ITPR2: variants seen among roughly 807,000 people sequenced by gnomAD.
ITPR2 encodes the protein inositol 1,4,5-trisphosphate-gated calcium channel ITPR2.
Under a neutral mutation model 317.1 loss-of-function variants are expected in ITPR2, and 207 were observed. The ratio of observed to expected loss-of-function variants is 0.65; its 90% CI spans 0.58 to 0.73. The LOEUF is 0.73. ITPR2 is among the 30% of genes least tolerant of loss of function. The probability of loss-of-function intolerance (pLI) is 0.00; values close to 1 mark genes in which losing one functional copy is unlikely to be tolerated. For synonymous variants in ITPR2, 1,156 were observed against 1,149.1 expected, an observed-to-expected ratio of 1.01 and a Z score of -0.12; for missense variants, 2,613 against 3,284.0, an observed-to-expected ratio of 0.80 and a Z score of 4.99.
chr12:26,461,717 C>T (rs1591804749), intron 45 of ITPR2, among the ~76,000 whole-genome samples: 4 of 126,788 alleles, frequency 3.2e-5, no homozygotes, highest in South Asian at 5.1e-4. Context: ...CACACACACA[C>T]ATACATATAA....
intron 2 of ITPR2, among the ~76,000 whole-genome samples, chr12:26,740,918 TTC>T (rs1949218788): frequency 6.6e-6 from 1 of 152,244 alleles, no homozygotes; most frequent in East Asian, 1.9e-4. Flanking sequence ...ATGTTGCTGT[TTC>T]TCTTTCTGTC....
chr12:26,516,533 G>A (rs1311137116), intron 37 of ITPR2, among the ~76,000 whole-genome samples: 1 of 151,410 alleles, frequency 6.6e-6, no homozygotes, highest in South Asian at 2.1e-4. Flanking sequence ...GGAATATAAA[G>A]GGGAAAGGAA....
At chr12:26,723,540 A>T (rs1948870707) in intron 4 of ITPR2, among the ~76,000 whole-genome samples, 1 of 152,172 alleles carries the variant, frequency 6.6e-6, no homozygotes, top group Non-Finnish European at 1.5e-5. Flanking sequence ...CCCCAGGGAC[A>T]TCCAGCCCAC....
chr12:26,715,551 G>A, intron 7 of ITPR2, 106 bp from the exon 8 acceptor site: 1 of 1,049,450 alleles, frequency 9.5e-7, no homozygotes, highest in Admixed American at 2.7e-5. Flanking sequence ...GACTTTTAAA[G>A]CTTATTTAAA....
intron 34 of ITPR2, among the ~76,000 whole-genome samples, chr12:26,563,509 G>A (rs1038983393): frequency 1.3e-5 from 2 of 151,866 alleles, no homozygotes; most frequent in African/African-American, 2.4e-5. Flanking sequence ...GGCAGAGGTT[G>A]CACACCACTG....
chr12:26,599,870 T>G lies in ITPR2; in HGVS notation c.3801+117A>C, dbSNP rs945437596. ...GATATTCACTTCTGGAGAGAGAATT[T>G]CCACAAGGAAAAAAAAATGAAGCAA... On this transcript the variant is annotated intron_variant, in intron 29 of 56. Transcript: ENST00000381340. The G allele has an allele frequency of 1.8e-5, 14 of 757,524 alleles. No individual in the cohort carries two copies. The African/African-American group carries it at 2.3e-4, about 12-fold the overall frequency. 46.9% of individuals were successfully genotyped at this position (757,524 alleles called of 1,614,324 possible).
At chr12:26,637,887 G>A (rs1202527725) in intron 21 of ITPR2, among the ~76,000 whole-genome samples, 1 of 152,096 alleles carries the variant, frequency 6.6e-6, no homozygotes, top group African/African-American at 2.4e-5. Context: ...CAGATAATAT[G>A]ATACCTAATT....
intron 34 of ITPR2, among the ~76,000 whole-genome samples, chr12:26,568,091 T>C (rs992650594): frequency 6.8e-6 from 1 of 147,986 alleles, no homozygotes; most frequent in East Asian, 2.0e-4. Context: ...CTCTGCCCCA[T>C]CTGTCTCTCA....
Position 26,831,600 on chromosome 12 carries a change from C to A in ITPR2, c.92+1090G>T, listed in dbSNP as rs1951101357. 2.0e-5 allele frequency among the ~76,000 whole-genome samples: 3 copies of A among 151,932 alleles called. 1 individual carries two copies. In the South Asian group the frequency reaches 6.2e-4, roughly 31 times the overall value. ...AAATATACTGCAGCGTGCAATTAAA[C>A]TGCACACTGCTATTCCCAATCAGAA... On this transcript the variant is annotated intron_variant, in intron 1 of 56. Transcript: ENST00000381340. This position sits in a 1 kb window ranked among gnomAD's most constrained non-coding sequence, Gnocchi z 4.9.
intron 50 of ITPR2, among the ~76,000 whole-genome samples, chr12:26,418,738 T>C (rs1425503424): frequency 6.6e-6 from 1 of 152,090 alleles, no homozygotes; most frequent in Non-Finnish European, 1.5e-5. Context: ...AGAGAATCTT[T>C]AAATGTAAAG....
intron 26 of ITPR2, among the ~76,000 whole-genome samples, chr12:26,604,171 G>A (rs1310468230): frequency 6.6e-6 from 1 of 152,174 alleles, no homozygotes; most frequent in African/African-American, 2.4e-5. Context: ...ATCAAACAGT[G>A]CTGATGAAAG....
chr12:26,698,367 G>A (rs1948387925), intron 9 of ITPR2, among the ~76,000 whole-genome samples: 1 of 152,156 alleles, frequency 6.6e-6, no homozygotes, highest in Non-Finnish European at 1.5e-5. Context: ...AAACAATGGA[G>A]TACTACTCGG....
chr12:26,531,687 G>A (rs534265182), intron 37 of ITPR2, among the ~76,000 whole-genome samples: 13 of 151,232 alleles, frequency 8.6e-5, no homozygotes, highest in African/African-American at 3.2e-4. Flanking sequence ...ACACACAAGT[G>A]TGTATCTGAA....
intron 32 of ITPR2, among the ~76,000 whole-genome samples, chr12:26,589,144 T>C (rs538883335): frequency 2.7e-4 from 41 of 152,298 alleles, no homozygotes; most frequent in African/African-American, 9.9e-4. Flanking sequence ...CAACTTTCCA[T>C]GGGTCTAATA....
intron 37 of ITPR2, among the ~76,000 whole-genome samples, chr12:26,546,028 T>C (rs572466333): frequency 3.9e-5 from 6 of 152,368 alleles, no homozygotes; most frequent in African/African-American, 9.6e-5. Flanking sequence ...CTAGAATTGC[T>C]TTAGCTATAA....
intron 32 of ITPR2, among the ~76,000 whole-genome samples, chr12:26,595,024 G>C (rs1385519361): frequency 6.6e-6 from 1 of 152,178 alleles, no homozygotes; most frequent in Non-Finnish European, 1.5e-5. Context: ...AGGCAACAGC[G>C]AGCAAGGCCA....
At chr12:26,379,235 C>T (rs773202678) in intron 55 of ITPR2, among the ~76,000 whole-genome samples, 1 of 152,142 alleles carries the variant, frequency 6.6e-6, no homozygotes, top group Non-Finnish European at 1.5e-5. Flanking sequence ...GGATCTGCCT[C>T]CTAGAGTTGT....
intron 49 of ITPR2, among the ~76,000 whole-genome samples, chr12:26,427,059 T>G (rs985966472): frequency 6.6e-6 from 1 of 152,088 alleles, no homozygotes; most frequent in African/African-American, 2.4e-5. Context: ...TTCTTGATAC[T>G]GAATGATCAA....
rs969072593 is a variant in ITPR2 at position 26,831,952 on chromosome 12, G to A, written c.92+738C>T. On this transcript the variant is annotated intron_variant, in intron 1 of 56. Coordinates refer to ENST00000381340, the MANE Select transcript of ITPR2 (RefSeq NM_002223.4). This position sits in a 1 kb window ranked among gnomAD's most constrained non-coding sequence, Gnocchi z 4.9. Reference sequence around the variant, plus strand: ...ATATATTTTTCCCCCCATTCAACTCGAATCTCAAGAACTCTTCACTTGGCT... The same window carrying A: ...ATATATTTTTCCCCCCATTCAACTCAAATCTCAAGAACTCTTCACTTGGCT... Among the ~76,000 whole-genome samples the A allele has an allele frequency of 1.3e-5, 2 of 149,302 alleles. No homozygotes were observed. The highest frequency in any genetic ancestry group is 3.0e-5 in the Non-Finnish European group (2 of 67,690).
Sources: allele counts gnomAD v4.1 joint callset (sites outside exome capture counted in the v4.1 genomes callset), GRCh38; gene constraint gnomAD v4.1.1; non-coding constraint Gnocchi (gnomAD v3.1); transcripts MANE v1.5; gene names NCBI Gene and HGNC (gene_info 2026-07-23, HGNC 2026-07-21).